Variants in TCF25 observed in about 807,000 individuals in gnomAD.
The protein encoded by TCF25 is TCF25 ribosome quality control complex subunit.
Under a neutral mutation model 83.1 loss-of-function variants are expected in TCF25, and 41 were observed. The ratio of observed to expected loss-of-function variants is 0.49; its 90% CI spans 0.38 to 0.64. The LOEUF (loss-of-function observed/expected upper bound fraction) is 0.64. TCF25 is among the 30% of genes least tolerant of loss of function. The probability of loss-of-function intolerance (pLI) is 0.00; values close to 1 mark genes in which losing one functional copy is unlikely to be tolerated. For missense variants in TCF25, 979 were observed against 914.5 expected, an observed-to-expected ratio of 1.07 and a Z score of -0.91; for synonymous variants, 458 against 365.0, an observed-to-expected ratio of 1.25 and a Z score of -2.90.
At chr16:89,887,857 G>C in intron 5 of TCF25, 140 bp downstream of exon 5, 1 of 682,252 alleles carries the variant, frequency 1.5e-6, no homozygotes. Flanking sequence ...CTTAGAATTG[G>C]GGTCTGAATG....
chr16:89,911,257 G>C lies in TCF25; in HGVS notation c.*19G>C, dbSNP rs763010052. The C allele has an allele frequency of 6.2e-7, 1 of 1,611,076 alleles. No individual in the cohort carries two copies. Among genetic ancestry groups the C allele is most frequent in the Non-Finnish European group, 8.5e-7 (1 of 1,178,990 alleles). On this transcript the variant is annotated 3_prime_UTR_variant, in exon 18 of 18. Coordinates refer to ENST00000263346, the MANE Select transcript of TCF25 (RefSeq NM_014972.3). ...GGACTGAGCGTCCGCAGAGGTGACC[G>C]AAAAGCCGTATGATGATGTTCCCGA...
chr16:89,884,820 C>T (rs1168532283), intron 3 of TCF25, among the ~76,000 whole-genome samples, 164 bp downstream of exon 3: 1 of 97,622 alleles, frequency 1.0e-5, no homozygotes, highest in Non-Finnish European at 1.8e-5. Flanking sequence ...CTCTGCCTGA[C>T]GCCCTCTCCC....
In TCF25 at chr16:89,891,991, T is replaced by C. The variant is rs2966255; in HGVS notation, c.615-202T>C. Among the ~76,000 whole-genome samples the C allele has an allele frequency of 8.1e-3, 1,238 of 152,182 alleles. 7 individuals carry two copies. The highest frequency in any genetic ancestry group is 0.013 in the Non-Finnish European group (896 of 67,986). ...AGCCAGAATTGTTTCTTTCTCTCTA[T>C]GGGGCCCTCCCTGCTGCACCCGTCC... On this transcript the variant is annotated intron_variant, in intron 5 of 17. Coordinates refer to ENST00000263346, the MANE Select transcript of TCF25 (RefSeq NM_014972.3).
intron 2 of TCF25, 34 bp from the exon 3 acceptor site, chr16:89,884,548 C>T (rs758252432): frequency 2.1e-5 from 34 of 1,605,622 alleles, no homozygotes; most frequent in Non-Finnish European, 2.9e-5. Flanking sequence ...ATTTACTTCT[C>T]ATTCTACTGA....
chr16:89,908,574 G>T (rs1233622696), intron 16 of TCF25, among the ~76,000 whole-genome samples: 4 of 7,554 alleles, frequency 5.3e-4, no homozygotes, highest in East Asian at 6.1e-3. Flanking sequence ...CTCTTTCCTC[G>T]CAGTTCCCAC....
At chr16:89,908,914 C>T (rs1036359309) in intron 16 of TCF25, 1 of 1,286,304 alleles carries the variant, frequency 7.8e-7, no homozygotes, top group African/African-American at 1.5e-5. Flanking sequence ...CTCTTTCAGA[C>T]CCAGATGCTG....
intron 16 of TCF25, chr16:89,908,922 C>G: frequency 7.8e-7 from 1 of 1,287,486 alleles, no homozygotes; most frequent in Non-Finnish European, 1.0e-6. Context: ...GACCCAGATG[C>G]TGAGAGATGG....
At chr16:89,885,272 C>T (rs908671137) in intron 3 of TCF25, among the ~76,000 whole-genome samples, 1 of 152,142 alleles carries the variant, frequency 6.6e-6, no homozygotes, top group Non-Finnish European at 1.5e-5. Context: ...CTTGTTTTTA[C>T]CCTTGTTCCT....
Position 89,873,877 on chromosome 16 carries a change from C to A in TCF25, c.192+18C>A. On this transcript the variant is annotated intron_variant, in intron 1 of 17. Coordinates refer to ENST00000263346, the MANE Select transcript of TCF25 (RefSeq NM_014972.3). Reference sequence around the variant, plus strand: ...TCGAGCTGGTGAGGAGCGCGGCGGCCCGGGTGGGGGTGGGGTGGCCCTTGA... The same window carrying A: ...TCGAGCTGGTGAGGAGCGCGGCGGCACGGGTGGGGGTGGGGTGGCCCTTGA... 1 of 1,360,786 alleles carries A rather than the reference C, an allele frequency of 7.3e-7. No homozygotes were observed. 84.3% of individuals were successfully genotyped at this position (1,360,786 alleles called of 1,614,324 possible). A position where few individuals can be genotyped will look rare whatever the true frequency, so the allele number is the denominator to read the frequency against.
Position 89,904,949 on chromosome 16 carries a change from C to T in TCF25, c.1481C>T (p.Ala494Val), listed in dbSNP as rs1007609848. The change falls in exon 14 of 18, where the codon GCC (alanine) becomes GTC (valine). Residue 494 changes from alanine to valine, a missense_variant. Transcript: ENST00000263346. The stretch of plus-strand genomic sequence containing the variant: ...TTGCTCTCCCCCAGCCAGCCCCCTG[C>T]CCTGAGCCAGCTGGTGAACCTGTAC... Reference protein sequence around the residue: ...GPNAEISQPPALSQLVNLYLG... With the variant: ...GPNAEISQPPVLSQLVNLYLG... 3.1e-6 allele frequency: 5 copies of T among 1,607,084 alleles called. No homozygotes were observed. The highest frequency in any genetic ancestry group is 4.2e-6 in the Non-Finnish European group (5 of 1,177,280).
intron 7 of TCF25, 192 bp downstream of exon 7, chr16:89,894,050 G>T: frequency 1.3e-6 from 1 of 790,026 alleles, no homozygotes; most frequent in Non-Finnish European, 1.9e-6. Flanking sequence ...TAGGCCAAGC[G>T]AGCTCCATCC....
intron 2 of TCF25, 122 bp downstream of exon 2, chr16:89,883,634 C>T (rs2042768092): frequency 8.3e-7 from 1 of 1,199,378 alleles, no homozygotes; most frequent in Non-Finnish European, 1.1e-6. Flanking sequence ...TTTTGGTTAC[C>T]TGCTAGTTGC....
In TCF25 at chr16:89,910,671, G is replaced by A; in HGVS notation, c.1872+8G>A. ...CCAAACTATACCATGGAGGTAGGTT[G>A]AGCTCGTCCCAGCCCCTGCCTCCCC... On this transcript the variant is annotated splice_region_variant and intron_variant, in intron 17 of 17. Coordinates refer to ENST00000263346, the MANE Select transcript of TCF25 (RefSeq NM_014972.3). 1 of 1,613,282 alleles carries A rather than the reference G, an allele frequency of 6.2e-7. No homozygotes were observed. Among genetic ancestry groups the A allele is most frequent in the South Asian group, 1.1e-5 (1 of 91,084 alleles).
chr16:89,900,432 C>G (rs1315450072), intron 11 of TCF25, among the ~76,000 whole-genome samples: 1 of 152,174 alleles, frequency 6.6e-6, no homozygotes, highest in Non-Finnish European at 1.5e-5. Flanking sequence ...CCTCCCACGT[C>G]CTCTGTATCT....
At chr16:89,910,027 G>A (rs375273274) in intron 16 of TCF25, 2 of 153,114 alleles carry the variant, frequency 1.3e-5, no homozygotes, top group East Asian at 3.8e-4. Flanking sequence ...CCCGCACAGC[G>A]GTCGTCGTGA....
chr16:89,874,441 C>G (rs2042012313), intron 1 of TCF25: 2 of 153,464 alleles, frequency 1.3e-5, no homozygotes, highest in African/African-American at 4.8e-5. Flanking sequence ...GAGGGGCCTT[C>G]TCTCGGTTCC....
In TCF25 at chr16:89,902,519, C is replaced by T. The variant is rs551314560; in HGVS notation, c.1382-1599C>T. Reference sequence around the variant, plus strand: ...CCTGACTAACACGGTGAAACCACGTCTCTACTAAAAATACAAAAAATTAGC... The same window carrying T: ...CCTGACTAACACGGTGAAACCACGTTTCTACTAAAAATACAAAAAATTAGC... On this transcript the variant is annotated intron_variant, in intron 12 of 17. Transcript: ENST00000263346. 1.5e-4 allele frequency among the ~76,000 whole-genome samples: 22 copies of T among 142,294 alleles called. 1 individual carries two copies. The highest frequency in any genetic ancestry group is 4.5e-4 in the South Asian group (2 of 4,412). 93.4% of individuals were successfully genotyped at this position (142,294 alleles called of 152,430 possible).
At position 89,900,695 on chromosome 16, in the gene TCF25, C is replaced by A. The variant is rs1385242485; in HGVS notation, c.1282C>A (p.Leu428Met). 2 of 1,606,502 alleles carry A rather than the reference C, an allele frequency of 1.2e-6. No homozygotes were observed. Among genetic ancestry groups the A allele is most frequent in the South Asian group, 1.1e-5 (1 of 90,890 alleles). The part of the protein sequence containing the change: ...FAFSVPLAYF[L>M]LSQQTDLPEC... ...CTTCTCTGTTCCACTGGCGTATTTC[C>A]TGCTGAGCCAGCAGACAGACCTCCC... The change falls in exon 12 of 18, where the codon CTG (leucine) becomes ATG (methionine). Residue 428 changes from leucine to methionine, a missense_variant. Leu to Met is a conservative substitution (Grantham distance 15). Coordinates refer to ENST00000263346, the MANE Select transcript of TCF25 (RefSeq NM_014972.3).
At chr16:89,910,288 AGGCACCT>A (rs1311597867) in intron 16 of TCF25, 3 of 455,644 alleles carry the variant, frequency 6.6e-6, no homozygotes, top group Non-Finnish European at 1.2e-5. Flanking sequence ...CTGAAAAGCA[AGGCACCT>A]GTGCAGTGGC....
Sources: gnomAD v4.1 joint callset for allele counts (sites outside exome capture counted in the v4.1 genomes callset) on GRCh38, gnomAD v4.1.1 for gene constraint, MANE v1.5 for transcripts, NCBI Gene and HGNC (gene_info 2026-07-23, HGNC 2026-07-21) for gene names.